Variants in CRHR1 observed in about 807,000 individuals in gnomAD.
CRHR1 encodes corticotropin releasing hormone receptor 1, also known as corticotropin-releasing hormone receptor 1.
CRHR1 carries 28 observed loss-of-function variants against 56.0 expected under a neutral mutation model. That is an observed-to-expected ratio of 0.50 (90% CI 0.37 to 0.69). CRHR1 has a LOEUF of 0.69. CRHR1 is among the 30% of genes least tolerant of loss of function. The pLI is 0.00. For synonymous variants in CRHR1, 195 were observed against 216.5 expected (o/e 0.90, Z 0.87); for missense variants, 376 against 548.0 (o/e 0.69, Z 3.13).
At chr17:45,802,642 TG>T (rs2061644774) in intron 1 of CRHR1, among the ~76,000 whole-genome samples, 1 of 152,044 alleles carries the variant, frequency 6.6e-6, no homozygotes, top group African/African-American at 2.4e-5. Flanking sequence ...GAGGAAAGGT[TG>T]GTTTGGGAAT....
At chr17:45,809,313 G>GGA (rs1397924711) in intron 2 of CRHR1, among the ~76,000 whole-genome samples, 1 of 152,194 alleles carries the variant, frequency 6.6e-6, no homozygotes, top group African/African-American at 2.4e-5. Context: ...TGGAGTTCTA[G>GGA]GAGAGAGAGA....
chr17:45,829,128 T>C, intron 4 of CRHR1, 87 bp from the exon 5 acceptor site: 1 of 1,034,854 alleles, frequency 9.7e-7, no homozygotes, highest in South Asian at 1.4e-5. Context: ...CATGACCCGC[T>C]CCATCCCAGC....
Position 45,784,724 on chromosome 17 carries a change from A to G in CRHR1, c.33+147A>G. 1 of 821,686 alleles carries G rather than the reference A, an allele frequency of 1.2e-6. No homozygotes were observed. Among genetic ancestry groups the G allele is most frequent in the South Asian group, 2.5e-5 (1 of 40,494 alleles). 50.9% of individuals were successfully genotyped at this position (821,686 alleles called of 1,614,324 possible). Reference sequence around the variant, plus strand: ...GAAGGCTGGGCTCCGGGGCAGCCTAACTCTCTGGACCTTTGGAGCCAGGGT... The same window carrying G: ...GAAGGCTGGGCTCCGGGGCAGCCTAGCTCTCTGGACCTTTGGAGCCAGGGT... On this transcript the variant is annotated intron_variant, in intron 1 of 12. Coordinates refer to ENST00000314537, the MANE Select transcript of CRHR1 (RefSeq NM_004382.5). This position sits in a 1 kb window ranked among gnomAD's most constrained non-coding sequence, Gnocchi z 4.2.
At chr17:45,821,981 C>T (rs1288056561) in intron 4 of CRHR1, among the ~76,000 whole-genome samples, 1 of 152,052 alleles carries the variant, frequency 6.6e-6, no homozygotes, top group Non-Finnish European at 1.5e-5. Context: ...TCCCCTCCCA[C>T]CCCGTCCCCA....
At chr17:45,800,459 GC>G (rs1277642670) in intron 1 of CRHR1, 1 of 152,176 alleles carries the variant, frequency 6.6e-6, no homozygotes, top group Non-Finnish European at 1.5e-5. Context: ...GCCCAGAACA[GC>G]CAAGCTGGGC....
At position 45,807,077 on chromosome 17, in the gene CRHR1, C is replaced by T. The variant is rs758350424; in HGVS notation, c.101C>T (p.Ser34Phe). 4 of 1,613,984 alleles carry T rather than the reference C, an allele frequency of 2.5e-6. No homozygotes were observed. In the African/African-American group the frequency reaches 5.3e-5, roughly 22 times the overall value. The change falls in exon 2 of 13, where the codon TCC becomes TTC. Residue 34 changes from serine (S) to phenylalanine (F), a missense_variant. Coordinates refer to ENST00000314537, the MANE Select transcript of CRHR1 (RefSeq NM_004382.5). ...SLQDQHCESL[S>F]LASNISGLQC... Reference sequence around the variant, plus strand: ...CAGGACCAGCACTGCGAGAGCCTGTCCCTGGCCAGCAACATCTCAGGTGAG... The same window carrying T: ...CAGGACCAGCACTGCGAGAGCCTGTTCCTGGCCAGCAACATCTCAGGTGAG...
chr17:45,829,969 C>A, intron 5 of CRHR1, 125 bp from the exon 6 acceptor site: 3 of 1,457,376 alleles, frequency 2.1e-6, no homozygotes, highest in East Asian at 2.3e-5. Flanking sequence ...TGTGACTTGG[C>A]CAGTCAGCCC....
intron 4 of CRHR1, among the ~76,000 whole-genome samples, chr17:45,824,567 A>G (rs1421315653): frequency 1.3e-5 from 2 of 151,836 alleles, no homozygotes; most frequent in African/African-American, 2.4e-5. Context: ...GCAACACCCA[A>G]CCCTGCCAGG....
chr17:45,786,733 T>C (rs988001836), intron 1 of CRHR1, among the ~76,000 whole-genome samples: 11 of 143,044 alleles, frequency 7.7e-5, no homozygotes, highest in Non-Finnish European at 1.2e-4. Context: ...TCAACCTCCC[T>C]AGGCTCTGGT....
chr17:45,803,456 G>A (rs1394752395), intron 1 of CRHR1, among the ~76,000 whole-genome samples: 2 of 152,028 alleles, frequency 1.3e-5, no homozygotes, highest in South Asian at 4.2e-4. Context: ...GCGTGATCTC[G>A]GCTCACTGCA....
At chr17:45,834,083 G>A in intron 12 of CRHR1, 35 bp downstream of exon 12, 6 of 1,608,998 alleles carry the variant, frequency 3.7e-6, no homozygotes, top group Non-Finnish European at 5.1e-6. Context: ...GGGGTTCAGG[G>A]CTGTGAGGCC....
chr17:45,823,476 C>T (rs573403329), intron 4 of CRHR1, among the ~76,000 whole-genome samples: 2 of 137,238 alleles, frequency 1.5e-5, no homozygotes, highest in African/African-American at 2.8e-5. Context: ...GGCGCGATGT[C>T]GGCTCATTGC....
At chr17:45,805,639 G>A (rs2061705464) in intron 1 of CRHR1, among the ~76,000 whole-genome samples, 1 of 152,136 alleles carries the variant, frequency 6.6e-6, no homozygotes, top group African/African-American at 2.4e-5. Flanking sequence ...GTGATGAAGA[G>A]AGCAGCCTCC....
chr17:45,798,040 G>C (rs1033174474), intron 1 of CRHR1, among the ~76,000 whole-genome samples: 1 of 152,124 alleles, frequency 6.6e-6, no homozygotes, highest in Non-Finnish European at 1.5e-5. Flanking sequence ...TGCTGAGCAG[G>C]AGGAATAGAG....
intron 4 of CRHR1, among the ~76,000 whole-genome samples, chr17:45,823,041 G>T (rs2062077660): frequency 6.6e-6 from 1 of 151,456 alleles, no homozygotes. Context: ...CTACTCAGGA[G>T]GCTGAGGCAG....
chr17:45,803,680 C>T (rs1475495384), intron 1 of CRHR1, among the ~76,000 whole-genome samples: 40 of 152,212 alleles, frequency 2.6e-4, no homozygotes, highest in Admixed American at 2.6e-3. Flanking sequence ...GCCACTGCAC[C>T]TGGCCAGTGT....
intron 1 of CRHR1, among the ~76,000 whole-genome samples, chr17:45,789,109 C>CGT (rs2061384489): frequency 6.6e-6 from 1 of 152,118 alleles, no homozygotes; most frequent in South Asian, 2.1e-4. Context: ...GCGCTTTTGC[C>CGT]GTGTCTGGAG....
intron 4 of CRHR1, among the ~76,000 whole-genome samples, chr17:45,827,353 G>A (rs1257558615): frequency 6.6e-6 from 1 of 152,244 alleles, no homozygotes; most frequent in Non-Finnish European, 1.5e-5. Flanking sequence ...ACAAGGCCGG[G>A]GTGTTGTGCC....
intron 1 of CRHR1, among the ~76,000 whole-genome samples, chr17:45,796,206 C>T (rs527487465): frequency 2.9e-4 from 44 of 152,332 alleles, no homozygotes; most frequent in African/African-American, 9.4e-4. Context: ...CCCCACACCT[C>T]GGCTGTGCCT....
Sources: allele counts gnomAD v4.1 joint callset (sites outside exome capture counted in the v4.1 genomes callset), GRCh38; gene constraint gnomAD v4.1.1; non-coding constraint Gnocchi (gnomAD v3.1); transcripts MANE v1.5; gene names NCBI Gene and HGNC (gene_info 2026-07-23, HGNC 2026-07-21).